Variants in PCDH15 observed in about 807,000 individuals in gnomAD.
PCDH15 encodes the protein protocadherin-15.
A neutral mutation model predicts 178.5 loss-of-function variants in PCDH15; 129 were observed. The observed-to-expected ratio is 0.72, with a 90% confidence interval of 0.63 to 0.84. PCDH15 has a LOEUF of 0.84. Among genes scored for constraint, PCDH15 ranks in the 40% least tolerant of loss-of-function variants. PCDH15 has a pLI of 0.00. For synonymous variants in PCDH15, 800 were observed against 732.0 expected (o/e 1.09, Z -1.50); for missense variants, 2,230 against 2,099.9 (o/e 1.06, Z -1.21).
At chr10:55,479,746 T>C (rs1203520249) in intron 2 of PCDH15, among the ~76,000 whole-genome samples, 1 of 151,602 alleles carries the variant, frequency 6.6e-6, no homozygotes, top group African/African-American at 2.4e-5. Flanking sequence ...GATCTTTATA[T>C]GTATAGAATA....
At chr10:55,193,422 C>T (rs903614512) in intron 1 of PCDH15, among the ~76,000 whole-genome samples, 1 of 151,704 alleles carries the variant, frequency 6.6e-6, no homozygotes, top group African/African-American at 2.4e-5. Context: ...AATACATATG[C>T]AATTATGTTA....
At chr10:53,968,641 T>C (rs1427443068) in intron 21 of PCDH15, among the ~76,000 whole-genome samples, 1 of 152,154 alleles carries the variant, frequency 6.6e-6, no homozygotes, top group East Asian at 1.9e-4. Flanking sequence ...CGGACGCCAC[T>C]CTGAGACGAA....
intron 2 of PCDH15, among the ~76,000 whole-genome samples, chr10:54,561,447 A>T (rs1382580502): frequency 6.6e-6 from 1 of 152,198 alleles, no homozygotes; most frequent in Non-Finnish European, 1.5e-5. Context: ...TATCTTAGTT[A>T]ATCAGGGACT....
chr10:54,369,969 G>A (rs1168631864), intron 4 of PCDH15, among the ~76,000 whole-genome samples: 2 of 151,906 alleles, frequency 1.3e-5, no homozygotes, highest in Non-Finnish European at 2.9e-5. Context: ...ATAGCATAAT[G>A]TATCCAAGTA....
At chr10:55,549,246 C>A (rs1219623218) in intron 2 of PCDH15, among the ~76,000 whole-genome samples, 1 of 151,834 alleles carries the variant, frequency 6.6e-6, no homozygotes, top group East Asian at 1.9e-4. Flanking sequence ...AAAATATATT[C>A]TCTAATAATA....
intron 1 of PCDH15, among the ~76,000 whole-genome samples, chr10:54,699,976 A>G (rs117138129): frequency 0.047 from 7,152 of 152,150 alleles, 231 homozygotes; most frequent in South Asian, 0.094. Context: ...TATTTTACAA[A>G]TGATGCTCAG....
chr10:55,572,434 A>G (rs1842422864), intron 2 of PCDH15, among the ~76,000 whole-genome samples: 1 of 150,802 alleles, frequency 6.6e-6, no homozygotes. Flanking sequence ...GTATATTAAT[A>G]TATTATAATT....
intron 8 of PCDH15, among the ~76,000 whole-genome samples, chr10:54,277,655 C>T (rs575282176): frequency 5.3e-5 from 8 of 151,372 alleles, no homozygotes; most frequent in Non-Finnish European, 7.4e-5. Context: ...CCTGGCAATC[C>T]CATCAAGAGG....
chr10:54,185,454 C>G (rs1191807207), intron 11 of PCDH15, among the ~76,000 whole-genome samples, 186 bp from the exon 12 acceptor site: 1 of 151,822 alleles, frequency 6.6e-6, no homozygotes, highest in African/African-American at 2.4e-5. Flanking sequence ...AGATGGTGAC[C>G]TATATCGTGG....
intron 1 of PCDH15, among the ~76,000 whole-genome samples, chr10:55,199,212 A>T (rs1282733539): frequency 6.6e-6 from 1 of 152,112 alleles, no homozygotes; most frequent in African/African-American, 2.4e-5. Context: ...TGATATGGAC[A>T]ATAAAGTCCA....
chr10:54,550,398 A>G (rs570598026), intron 2 of PCDH15, among the ~76,000 whole-genome samples: 1 of 152,244 alleles, frequency 6.6e-6, no homozygotes, highest in South Asian at 2.1e-4. Context: ...TAAACTAAAC[A>G]TAATTTATAT....
chr10:54,133,066 A>G (rs1285809220), intron 14 of PCDH15, 59 bp from the exon 15 acceptor site: 1 of 1,608,966 alleles, frequency 6.2e-7, no homozygotes, highest in East Asian at 2.2e-5. Context: ...TTAATGTTAG[A>G]CTGCATTGTT....
At position 54,100,827 on chromosome 10, in the gene PCDH15, T is replaced by TG. The variant is rs200543824; in HGVS notation, c.1918-10765dup. Among the ~76,000 whole-genome samples, 709 of 151,298 alleles carry TG rather than the reference T, an allele frequency of 4.7e-3. 10 individuals carry two copies. The highest frequency in any genetic ancestry group is 0.013 in the African/African-American group (534 of 41,262). ...TCAAATTCCCGGCAACCACTTAAGG[T>TG]GGGGGGGGATTTTTTTTTTTCCTAT... On this transcript the variant is annotated intron_variant, in intron 15 of 37. Transcript: ENST00000644397.
chr10:54,839,122 A>T lies in PCDH15; in HGVS notation c.-29+58328T>A, dbSNP rs117209296. The stretch of plus-strand genomic sequence containing the variant: ...ACATCAATACAAGGCTGTAAGAATT[A>T]CAAAAATACAGGCAAACATGATACC... On this transcript the variant is annotated intron_variant, in intron 3 of 5. Coordinates refer to the PCDH15 transcript ENST00000458638. 3.3e-5 allele frequency among the ~76,000 whole-genome samples: 5 copies of T among 152,344 alleles called. No individual in the cohort carries two copies. The East Asian group carries it at 9.7e-4, about 29-fold the overall frequency.
At chr10:54,908,555 G>T (rs751938171) in intron 2 of PCDH15, among the ~76,000 whole-genome samples, 10 of 152,126 alleles carry the variant, frequency 6.6e-5, no homozygotes, top group Non-Finnish European at 1.0e-4. Context: ...GCAAGTTTCC[G>T]CCCATATCGT....
At chr10:54,167,961 CCT>C (rs2046438459) in intron 13 of PCDH15, among the ~76,000 whole-genome samples, 2 of 151,234 alleles carry the variant, frequency 1.3e-5, no homozygotes, top group East Asian at 1.9e-4. Context: ...GAACCCCTTC[CCT>C]CTGTTTCCCT....
intron 3 of PCDH15, among the ~76,000 whole-genome samples, chr10:54,816,839 C>A (rs909180926): frequency 6.6e-6 from 1 of 152,004 alleles, no homozygotes; most frequent in Admixed American, 6.6e-5. Context: ...AAGTCACTAT[C>A]TAATGGTATG....
At chr10:55,195,206 T>A (rs935853107) in intron 1 of PCDH15, among the ~76,000 whole-genome samples, 1 of 151,726 alleles carries the variant, frequency 6.6e-6, no homozygotes, top group African/African-American at 2.4e-5. Context: ...GTATTTTTAG[T>A]AGAGACGGGA....
chr10:54,007,076 T>C (rs571031968), intron 20 of PCDH15, among the ~76,000 whole-genome samples: 11 of 152,210 alleles, frequency 7.2e-5, no homozygotes, highest in Non-Finnish European at 1.3e-4. Context: ...TAGTATAATA[T>C]ATCCATTTAC....
Sources: gnomAD v4.1 joint callset for allele counts (sites outside exome capture counted in the v4.1 genomes callset) on GRCh38, gnomAD v4.1.1 for gene constraint, MANE v1.5 for transcripts, NCBI Gene and HGNC (gene_info 2026-07-23, HGNC 2026-07-21) for gene names.